KLRF1: variants seen among roughly 807,000 people sequenced by gnomAD.
The protein encoded by KLRF1 is killer cell lectin-like receptor subfamily F member 1.
In KLRF1, 27 loss-of-function variants were observed where a neutral mutation model predicts 30.7. The observed-to-expected ratio is 0.88, with a 90% confidence interval of 0.65 to 1.21. The LOEUF is 1.21. KLRF1 is among the 50% of genes most tolerant of loss of function. The pLI is 0.00. For synonymous variants in KLRF1, 92 were observed against 89.3 expected (o/e 1.03, Z -0.17); for missense variants, 246 against 259.3 (o/e 0.95, Z 0.35).
chr12:9,804,112 T>G, the KLRF1 span, among the ~76,000 whole-genome samples: 1 of 152,096 alleles, frequency 6.6e-6, no homozygotes, highest in Non-Finnish European at 1.5e-5. Flanking sequence ...TCTGTCTTTT[T>G]TATTATAGCT....
At chr12:9,813,358 G>A in the KLRF1 span, among the ~76,000 whole-genome samples, 1 of 151,990 alleles carries the variant, frequency 6.6e-6, no homozygotes, top group East Asian at 1.9e-4. Flanking sequence ...CCAGGCTGGA[G>A]TGCGGTGGTA....
chr12:9,816,156 G>A, the KLRF1 span, among the ~76,000 whole-genome samples: 5 of 152,148 alleles, frequency 3.3e-5, no homozygotes, highest in Admixed American at 2.0e-4. Flanking sequence ...CAATGACTGC[G>A]GAGCCCAACG....
At chr12:9,824,989 A>G (rs769302270), upstream of KLRF1, among the ~76,000 whole-genome samples, 3 of 152,324 alleles carry the variant, frequency 2.0e-5, no homozygotes, top group Admixed American at 2.0e-4. Context: ...CAAATGAAAA[A>G]CATTCCATGC....
At chr12:9,842,189 T>C in intron 4 of KLRF1, 132 bp from the exon 5 acceptor site, 1 of 926,820 alleles carries the variant, frequency 1.1e-6, no homozygotes, top group South Asian at 1.7e-5. Context: ...ATAATGTGTG[T>C]ATAAGTAAGA....
intron 3 of KLRF1, among the ~76,000 whole-genome samples, chr12:9,834,084 G>C (rs768240222): frequency 6.6e-6 from 1 of 151,624 alleles, no homozygotes; most frequent in Non-Finnish European, 1.5e-5. Context: ...GCAGGAGTGG[G>C]GGTCACAAGG....
intron 1 of KLRF1, 56 bp downstream of exon 1, chr12:9,827,685 G>A (rs1220854106): frequency 2.2e-5 from 22 of 982,304 alleles, no homozygotes; most frequent in Middle Eastern, 2.1e-4. Context: ...GTAGTTTCCC[G>A]TATCCTGTTC....
upstream of KLRF1, among the ~76,000 whole-genome samples, chr12:9,822,833 C>A (rs1223360836): frequency 1.3e-5 from 2 of 151,716 alleles, no homozygotes; most frequent in Non-Finnish European, 2.9e-5. Flanking sequence ...TAATTTCAGA[C>A]AAAACAGACT....
At chr12:9,837,131 C>T in intron 3 of KLRF1, among the ~76,000 whole-genome samples, 1 of 152,052 alleles carries the variant, frequency 6.6e-6, no homozygotes, top group Non-Finnish European at 1.5e-5. Context: ...TCTCTCTCCC[C>T]TTAGCCTCTG....
chr12:9,817,312 A>G, the KLRF1 span: 361 of 219,296 alleles, frequency 1.6e-3, no homozygotes, highest in Non-Finnish European at 2.8e-3. Flanking sequence ...ATACTCTCAG[A>G]TAACCTTAAG....
intron 3 of KLRF1, among the ~76,000 whole-genome samples, chr12:9,837,949 C>A (rs1867616697): frequency 6.6e-6 from 1 of 152,184 alleles, no homozygotes; most frequent in Non-Finnish European, 1.5e-5. Flanking sequence ...TACAGCCAGG[C>A]CCCTGCTTCA....
the KLRF1 span, among the ~76,000 whole-genome samples, chr12:9,813,167 A>G: frequency 1.3e-5 from 2 of 151,580 alleles, no homozygotes; most frequent in Non-Finnish European, 2.9e-5. Flanking sequence ...TATTATTATT[A>G]TACTTTAAGT....
the KLRF1 span, among the ~76,000 whole-genome samples, chr12:9,818,377 T>G: frequency 6.6e-6 from 1 of 152,220 alleles, no homozygotes; most frequent in African/African-American, 2.4e-5. Context: ...GCCCATGGAA[T>G]GTGTGTGAGA....
At chr12:9,842,055 G>A (rs1419899599) in intron 4 of KLRF1, 104 bp downstream of exon 4, 4 of 1,287,024 alleles carry the variant, frequency 3.1e-6, no homozygotes, top group South Asian at 1.4e-5. Flanking sequence ...CTTGATTATC[G>A]AGTTTTGGGC....
the KLRF1 span, among the ~76,000 whole-genome samples, chr12:9,821,997 C>T: frequency 1.6e-4 from 25 of 152,280 alleles, no homozygotes; most frequent in East Asian, 4.2e-3. Flanking sequence ...TGAATACATC[C>T]AGAAAAGAAG....
rs1867775684 is a variant in KLRF1 at position 9,844,706 on chromosome 12, A to C, written c.*180A>C. On this transcript the variant is annotated 3_prime_UTR_variant, in exon 6 of 6. Coordinates refer to ENST00000617889, the MANE Select transcript of KLRF1 (RefSeq NM_016523.3). ...GAGTAACCCCTGTTAACAAACTAAA[A>C]TGTACACTTCAAAATTTTTACGTGA... is the stretch of plus-strand genomic sequence containing the variant. The C allele has an allele frequency of 2.2e-6, 1 of 450,268 alleles. No homozygotes were observed. Among genetic ancestry groups the C allele is most frequent in the Non-Finnish European group, 4.0e-6 (1 of 248,378 alleles). The allele number at this position is 450,268 out of a possible 1,614,324, so 27.9% of individuals were successfully genotyped here.
chr12:9,833,533 A>G, intron 3 of KLRF1, 81 bp downstream of exon 3: 6 of 1,215,178 alleles, frequency 4.9e-6, no homozygotes, highest in Non-Finnish European at 5.5e-6. Flanking sequence ...CAGGTATGCA[A>G]TAGATTAAAG....
chr12:9,808,757 G>T, the KLRF1 span, among the ~76,000 whole-genome samples: 1 of 152,114 alleles, frequency 6.6e-6, no homozygotes, highest in African/African-American at 2.4e-5. Flanking sequence ...ATATGAGTAA[G>T]CAGGCAAGTC....
upstream of KLRF1, among the ~76,000 whole-genome samples, chr12:9,825,312 T>G (rs1029911587): frequency 6.8e-6 from 1 of 146,156 alleles, no homozygotes; most frequent in Non-Finnish European, 1.5e-5. Flanking sequence ...AATGGTCTAA[T>G]GCAGACACAT....
the KLRF1 span, among the ~76,000 whole-genome samples, chr12:9,809,958 A>G: frequency 6.6e-6 from 1 of 152,204 alleles, no homozygotes; most frequent in African/African-American, 2.4e-5. Context: ...CAAAAGGAGA[A>G]TGACATAAAG....
Sources: allele counts gnomAD v4.1 joint callset (sites outside exome capture counted in the v4.1 genomes callset), GRCh38; gene constraint gnomAD v4.1.1; transcripts MANE v1.5; gene names NCBI Gene and HGNC (gene_info 2026-07-23, HGNC 2026-07-21).